ERC2: variants seen among roughly 807,000 people sequenced by gnomAD.
ERC2 encodes ELKS/RAB6-interacting/CAST family member 2, also known as ERC protein 2.
ERC2 carries 42 observed loss-of-function variants against 114.8 expected under a neutral mutation model. The observed-to-expected ratio is 0.37, with a 90% CI of 0.29 to 0.47. ERC2 has a LOEUF of 0.47. Among genes scored for constraint, ERC2 ranks in the 20% least tolerant of loss-of-function variants. ERC2 has a pLI of 0.99. For missense variants in ERC2, 939 were observed against 1,150.7 expected (o/e 0.82, Z 2.66); for synonymous variants, 454 against 425.5 (o/e 1.07, Z -0.82).
chr3:56,262,091 C>A (rs367586723), intron 3 of ERC2, among the ~76,000 whole-genome samples: 2 of 152,180 alleles, frequency 1.3e-5, no homozygotes, highest in African/African-American at 4.8e-5. Flanking sequence ...ATATGCACCA[C>A]ATTTTTTTTA....
intron 2 of ERC2, among the ~76,000 whole-genome samples, chr3:56,386,544 T>C (rs1453182840): frequency 6.6e-6 from 1 of 152,158 alleles, no homozygotes; most frequent in African/African-American, 2.4e-5. Context: ...TTGGATTTTG[T>C]TGTCTTATGG....
At chr3:56,436,435 T>C (rs946036932) in intron 1 of ERC2, among the ~76,000 whole-genome samples, 1 of 152,202 alleles carries the variant, frequency 6.6e-6, no homozygotes, top group Non-Finnish European at 1.5e-5. Flanking sequence ...AATAGCAGTA[T>C]ACATGGGTAT....
At chr3:55,527,711 G>GGAAT (rs1031512016) in intron 17 of ERC2, among the ~76,000 whole-genome samples, 22 of 152,174 alleles carry the variant, frequency 1.4e-4, no homozygotes, top group South Asian at 6.2e-4. Flanking sequence ...ACCTCCTCCT[G>GGAAT]GAATGAATGA....
intron 14 of ERC2, among the ~76,000 whole-genome samples, chr3:55,785,107 C>T (rs959435302): frequency 3.4e-4 from 52 of 152,268 alleles, no homozygotes; most frequent in African/African-American, 1.1e-3. Flanking sequence ...CAAAAGACAT[C>T]ATTAGATATA....
intron 7 of ERC2, among the ~76,000 whole-genome samples, chr3:56,072,623 A>G (rs2076790478): frequency 6.6e-6 from 1 of 152,162 alleles, no homozygotes; most frequent in Non-Finnish European, 1.5e-5. Context: ...CCTATCCCAA[A>G]TGACTAGATC....
chr3:55,518,035 C>A (rs1279704140), intron 17 of ERC2, among the ~76,000 whole-genome samples: 1 of 152,104 alleles, frequency 6.6e-6, no homozygotes, highest in East Asian at 1.9e-4. Flanking sequence ...GTGGGGGCTG[C>A]CCTGTGCATG....
intron 7 of ERC2, among the ~76,000 whole-genome samples, chr3:56,053,791 T>C (rs1423084160): frequency 6.6e-6 from 1 of 151,862 alleles, no homozygotes; most frequent in Non-Finnish European, 1.5e-5. Flanking sequence ...TAAGAAGAAG[T>C]TGACTTTTTT....
intron 2 of ERC2, among the ~76,000 whole-genome samples, chr3:56,357,305 A>G (rs1477404182): frequency 2.0e-5 from 3 of 152,180 alleles, no homozygotes; most frequent in Non-Finnish European, 2.9e-5. Flanking sequence ...ACCTCACAAC[A>G]ATCCTTACAC....
At chr3:55,882,633 T>C (rs1461694913) in intron 14 of ERC2, among the ~76,000 whole-genome samples, 1 of 152,242 alleles carries the variant, frequency 6.6e-6, no homozygotes. Context: ...ATCTACATTG[T>C]ATTAGGTATA....
intron 6 of ERC2, among the ~76,000 whole-genome samples, chr3:56,103,643 G>C (rs903557421): frequency 1.1e-4 from 16 of 152,222 alleles, no homozygotes; most frequent in East Asian, 7.7e-4. Flanking sequence ...CTAGTGGGTA[G>C]AATCCAAGGA....
intron 14 of ERC2, among the ~76,000 whole-genome samples, chr3:55,767,812 C>T (rs768367899): frequency 5.9e-5 from 9 of 152,162 alleles, no homozygotes; most frequent in Non-Finnish European, 1.2e-4. Context: ...TGAACGTTCT[C>T]GTTACTTATT....
chr3:56,130,103 A>G (rs1423846216), intron 6 of ERC2, among the ~76,000 whole-genome samples: 1 of 151,828 alleles, frequency 6.6e-6, no homozygotes, highest in Non-Finnish European at 1.5e-5. Context: ...ACATACAAAA[A>G]GAGTACTGTA....
chr3:55,983,055 T>C (rs1466775778), intron 12 of ERC2, among the ~76,000 whole-genome samples: 2 of 152,184 alleles, frequency 1.3e-5, no homozygotes, highest in African/African-American at 2.4e-5. Flanking sequence ...ATCAAACAGG[T>C]GATGCCCATG....
intron 1 of ERC2, among the ~76,000 whole-genome samples, chr3:56,457,318 C>T: frequency 6.6e-6 from 1 of 152,268 alleles, no homozygotes; most frequent in Non-Finnish European, 1.5e-5. Context: ...TTTTTCCTCA[C>T]CTGGAAAATG....
chr3:56,091,698 G>A (rs1872488), intron 6 of ERC2, among the ~76,000 whole-genome samples: 57,854 of 152,006 alleles, frequency 0.38, 11,949 homozygotes, highest in African/African-American at 0.54. Flanking sequence ...AAAACTGAGA[G>A]AAATCCCCTT....
chr3:56,008,709 A>G (rs1411899331), intron 9 of ERC2, among the ~76,000 whole-genome samples: 2 of 152,170 alleles, frequency 1.3e-5, no homozygotes, highest in African/African-American at 4.8e-5. Context: ...AAAATCTACC[A>G]TCAGTTGACT....
chr3:55,699,268 A>G, intron 16 of ERC2, 110 bp downstream of exon 16: 1 of 1,393,580 alleles, frequency 7.2e-7, no homozygotes, highest in Admixed American at 1.8e-5. Flanking sequence ...GTTTCAGTTC[A>G]AAGAACGTAT....
chr3:55,686,748 T>C lies in ERC2; in HGVS notation c.2848-2889A>G, dbSNP rs372377157. ...GGAGAGTCTGTTTCCTTTCCTTGTT[T>C]TTCTGTTTCCAAATCTACTTTGCAG... On this transcript the variant is annotated intron_variant, in intron 16 of 17. Coordinates refer to ENST00000288221, the MANE Select transcript of ERC2 (RefSeq NM_015576.3). Among the ~76,000 whole-genome samples the C allele has an allele frequency of 1.4e-4, 22 of 152,332 alleles. No individual in the cohort carries two copies. The South Asian group carries it at 4.6e-3, about 32-fold the overall frequency.
chr3:56,260,253 G>A (rs78521563), intron 3 of ERC2, among the ~76,000 whole-genome samples: 216 of 152,216 alleles, frequency 1.4e-3, no homozygotes, highest in African/African-American at 3.7e-3. Flanking sequence ...ACTCCTCCCC[G>A]TAAGTCCTGG....
Sources: allele counts gnomAD v4.1 joint callset (sites outside exome capture counted in the v4.1 genomes callset), GRCh38; gene constraint gnomAD v4.1.1; transcripts MANE v1.5; gene names NCBI Gene and HGNC (gene_info 2026-07-23, HGNC 2026-07-21).